The following GPC5 variants were observed in gnomAD, a reference collection of about 807,000 sequenced individuals.
The protein encoded by GPC5 is glypican 5, also known as glypican-5.
In GPC5, 47 loss-of-function variants were observed where a neutral mutation model predicts 53.9. That is an observed-to-expected ratio of 0.87 (90% CI 0.69 to 1.11). GPC5 has a LOEUF of 1.11. GPC5 is among the 50% of genes most tolerant of loss of function. GPC5 has a pLI of 0.00. For synonymous variants in GPC5, 286 were observed against 263.3 expected, an observed-to-expected ratio of 1.09 and a Z score of -0.84; for missense variants, 748 against 713.1, an observed-to-expected ratio of 1.05 and a Z score of -0.56.
chr13:92,002,344 C>T (rs1011104199), intron 6 of GPC5, among the ~76,000 whole-genome samples: 2 of 152,062 alleles, frequency 1.3e-5, no homozygotes, highest in Admixed American at 1.3e-4. Context: ...ACCTAGACTC[C>T]CAAGCAGAAA....
At chr13:91,626,691 T>G (rs1387456976) in intron 2 of GPC5, among the ~76,000 whole-genome samples, 2 of 151,956 alleles carry the variant, frequency 1.3e-5, no homozygotes, top group Non-Finnish European at 2.9e-5. Flanking sequence ...TTATTATACT[T>G]TAAGTTCTAG....
intron 2 of GPC5, among the ~76,000 whole-genome samples, chr13:91,667,781 G>A (rs1019083661): frequency 6.6e-6 from 1 of 152,152 alleles, no homozygotes; most frequent in African/African-American, 2.4e-5. Context: ...AGTGATTCAT[G>A]TGGAGTTGAG....
chr13:92,774,978 T>C (rs1875749785), intron 7 of GPC5, among the ~76,000 whole-genome samples: 1 of 152,188 alleles, frequency 6.6e-6, no homozygotes, highest in South Asian at 2.1e-4. Context: ...TGTGGTAATT[T>C]TCTCTAGGCT....
chr13:91,949,377 A>T (rs999251791), intron 6 of GPC5, among the ~76,000 whole-genome samples: 1 of 152,248 alleles, frequency 6.6e-6, no homozygotes, highest in African/African-American at 2.4e-5. Context: ...TAGTTAATTC[A>T]TAACTCTATA....
intron 7 of GPC5, among the ~76,000 whole-genome samples, chr13:92,252,960 G>C (rs2042702366): frequency 6.6e-6 from 1 of 152,108 alleles, no homozygotes; most frequent in African/African-American, 2.4e-5. Flanking sequence ...TACAGACATA[G>C]ACGATCAAAG....
Position 91,892,055 on chromosome 13 carries a change from A to G in GPC5, c.1281-15882A>G, listed in dbSNP as rs558953540. Among the ~76,000 whole-genome samples the G allele has an allele frequency of 1.7e-4, 26 of 152,148 alleles. 1 individual carries two copies. The South Asian group carries it at 5.4e-3, about 32-fold the overall frequency. ...GATAGCATCACATCAGGACTATCAG[A>G]CTTTTATAAATTTCACATAATCTTT... On this transcript the variant is annotated intron_variant, in intron 5 of 7. Coordinates refer to ENST00000377067, the MANE Select transcript of GPC5 (RefSeq NM_004466.6).
At chr13:91,877,063 G>T (rs2039211046) in intron 5 of GPC5, among the ~76,000 whole-genome samples, 2 of 152,216 alleles carry the variant, frequency 1.3e-5, no homozygotes, top group Admixed American at 1.3e-4. Flanking sequence ...CAAAAGTCAA[G>T]AATTGAGGTT....
At chr13:92,201,442 G>C (rs568464524) in intron 7 of GPC5, among the ~76,000 whole-genome samples, 15 of 152,208 alleles carry the variant, frequency 9.9e-5, no homozygotes, top group Admixed American at 6.5e-4. Flanking sequence ...TTTAAAACAG[G>C]TTACACTATG....
At chr13:91,806,099 G>C (rs561334854) in intron 5 of GPC5, among the ~76,000 whole-genome samples, 14 of 119,232 alleles carry the variant, frequency 1.2e-4, no homozygotes, top group Non-Finnish European at 2.1e-4. Flanking sequence ...CCAGTGGCAT[G>C]ATCTCTGCTC....
chr13:92,809,315 C>G (rs536233215), intron 7 of GPC5, among the ~76,000 whole-genome samples: 3 of 152,252 alleles, frequency 2.0e-5, no homozygotes, highest in African/African-American at 7.2e-5. Flanking sequence ...CAATGAGCCC[C>G]ATCATAGGCA....
chr13:91,920,206 G>T (rs182156578), intron 6 of GPC5, among the ~76,000 whole-genome samples: 11 of 152,164 alleles, frequency 7.2e-5, no homozygotes, highest in African/African-American at 2.2e-4. Flanking sequence ...TCCAAAAAAT[G>T]AGAAAACAGA....
intron 7 of GPC5, among the ~76,000 whole-genome samples, chr13:92,483,011 C>A (rs1285804216): frequency 2.0e-5 from 3 of 152,164 alleles, no homozygotes; most frequent in Non-Finnish European, 4.4e-5. Flanking sequence ...TACATGGCAG[C>A]AGGCAGGAGA....
At chr13:92,422,976 T>C (rs78216342) in intron 7 of GPC5, among the ~76,000 whole-genome samples, 1,571 of 152,312 alleles carry the variant, frequency 0.01, 19 homozygotes, top group Middle Eastern at 0.034. Flanking sequence ...ACTAGACAGC[T>C]TATAAACAAC....
At chr13:91,577,014 T>C (rs1392964413) in intron 2 of GPC5, among the ~76,000 whole-genome samples, 3 of 152,054 alleles carry the variant, frequency 2.0e-5, no homozygotes, top group Non-Finnish European at 4.4e-5. Flanking sequence ...TTGCATTAGT[T>C]CTGTATTTGA....
intron 7 of GPC5, among the ~76,000 whole-genome samples, chr13:92,167,567 A>T (rs2042040848): frequency 2.0e-5 from 3 of 152,250 alleles, no homozygotes; most frequent in Admixed American, 2.0e-4. Flanking sequence ...GAGTAAAATA[A>T]ATGGTTTTAA....
At chr13:92,820,205 C>G (rs1350137772) in intron 7 of GPC5, among the ~76,000 whole-genome samples, 1 of 152,150 alleles carries the variant, frequency 6.6e-6, no homozygotes, top group African/African-American at 2.4e-5. Flanking sequence ...CAGACCCCAG[C>G]CTGCTCTTTC....
intron 7 of GPC5, among the ~76,000 whole-genome samples, chr13:92,253,816 G>A (rs753771455): frequency 4.3e-4 from 66 of 152,128 alleles, no homozygotes; most frequent in Admixed American, 1.7e-3. Flanking sequence ...GGAAATTAGC[G>A]AATTTAATTT....
chr13:91,567,009 T>C (rs944730730), intron 2 of GPC5, among the ~76,000 whole-genome samples: 7 of 151,510 alleles, frequency 4.6e-5, no homozygotes, highest in African/African-American at 1.7e-4. Flanking sequence ...GCAAATGCAT[T>C]AGAGTACAGA....
At chr13:91,722,488 G>T (rs565020785) in intron 3 of GPC5, among the ~76,000 whole-genome samples, 1 of 152,106 alleles carries the variant, frequency 6.6e-6, no homozygotes, top group African/African-American at 2.4e-5. Flanking sequence ...ATGCAGAAGC[G>T]CCCTCTGGTG....
Sources: allele counts gnomAD v4.1 joint callset (sites outside exome capture counted in the v4.1 genomes callset), GRCh38; gene constraint gnomAD v4.1.1; transcripts MANE v1.5; gene names NCBI Gene and HGNC (gene_info 2026-07-23, HGNC 2026-07-21).